The following THEMIS variants were observed in gnomAD, a reference collection of about 807,000 sequenced individuals.
THEMIS encodes thymocyte selection associated, also known as protein THEMIS.
A neutral mutation model predicts 52.6 loss-of-function variants in THEMIS; 37 were observed. That is an observed-to-expected ratio of 0.70 (90% CI 0.54 to 0.93). The LOEUF is 0.93. Among genes scored for constraint, THEMIS ranks in the 40% least tolerant of loss-of-function variants. The pLI, the probability that THEMIS is intolerant of heterozygous loss-of-function variation, is 0.00. For missense variants in THEMIS, 808 were observed against 763.1 expected, an observed-to-expected ratio of 1.06 and a Z score of -0.69; for synonymous variants, 292 against 272.7, an observed-to-expected ratio of 1.07 and a Z score of -0.70.
chr6:127,730,318 G>GAAGAAAAGAAAAGAAAAGAA (rs71272309), intron 4 of THEMIS, among the ~76,000 whole-genome samples: 1 of 116,958 alleles, frequency 8.6e-6, no homozygotes, highest in Non-Finnish European at 1.7e-5. Context: ...AAAGAAAAGA[G>GAAGAAAAGAAAAGAAAAGAA]AAAAAAAGAA....
At chr6:127,864,491 G>A (rs1399785135) in intron 1 of THEMIS, among the ~76,000 whole-genome samples, 3 of 152,024 alleles carry the variant, frequency 2.0e-5, no homozygotes, top group South Asian at 4.1e-4. Context: ...AGAGTGCCAG[G>A]GAAGCAGAGA....
chr6:127,914,046 A>C (rs1012403841), intron 1 of THEMIS, among the ~76,000 whole-genome samples: 1 of 152,330 alleles, frequency 6.6e-6, no homozygotes, highest in Non-Finnish European at 1.5e-5. Context: ...ATGGGGCCCA[A>C]GTTTAAATAC....
chr6:127,766,205 C>T (rs1776193914), intron 4 of THEMIS, among the ~76,000 whole-genome samples: 1 of 152,094 alleles, frequency 6.6e-6, no homozygotes, highest in Non-Finnish European at 1.5e-5. Flanking sequence ...ATATTGCAGT[C>T]TTACCTCCCT....
At chr6:127,854,239 A>G (rs555690411) in intron 2 of THEMIS, among the ~76,000 whole-genome samples, 1 of 151,932 alleles carries the variant, frequency 6.6e-6, no homozygotes, top group East Asian at 1.9e-4. Context: ...TTATTGAGCC[A>G]TAGCCATGCT....
intron 1 of THEMIS, among the ~76,000 whole-genome samples, chr6:127,860,902 ACAAG>A (rs1779777582): frequency 6.6e-6 from 1 of 152,182 alleles, no homozygotes. Context: ...AAGAGGGCTT[ACAAG>A]TGGTTGTCAT....
chr6:127,884,447 C>A (rs917667351), intron 1 of THEMIS, among the ~76,000 whole-genome samples: 1 of 152,018 alleles, frequency 6.6e-6, no homozygotes, highest in Non-Finnish European at 1.5e-5. Flanking sequence ...GAATTAGGCA[C>A]CCCCTCTTTT....
intron 4 of THEMIS, among the ~76,000 whole-genome samples, chr6:127,755,666 T>C (rs931819535): frequency 6.6e-6 from 1 of 152,154 alleles, no homozygotes; most frequent in African/African-American, 2.4e-5. Context: ...AGAGGATCCA[T>C]GTAATCAAAG....
intron 4 of THEMIS, among the ~76,000 whole-genome samples, chr6:127,760,771 T>A (rs536680140): frequency 2.0e-5 from 3 of 152,176 alleles, no homozygotes; most frequent in East Asian, 1.9e-4. Context: ...AGTGAGACCC[T>A]GTCTCTTAAA....
chr6:127,819,886 GT>G (rs1778276142), intron 3 of THEMIS, among the ~76,000 whole-genome samples: 1 of 152,036 alleles, frequency 6.6e-6, no homozygotes, highest in African/African-American at 2.4e-5. Context: ...AGAATAAAAC[GT>G]TTTATTTTTC....
chr6:127,830,224 G>A (rs1265684779), intron 2 of THEMIS, among the ~76,000 whole-genome samples: 1 of 152,116 alleles, frequency 6.6e-6, no homozygotes, highest in Non-Finnish European at 1.5e-5. Flanking sequence ...GATGACACTG[G>A]CTCTGTTCCA....
chr6:127,787,903 A>AGATAGAT (rs1777027943), intron 4 of THEMIS, among the ~76,000 whole-genome samples: 1 of 149,486 alleles, frequency 6.7e-6, no homozygotes, highest in African/African-American at 2.4e-5. Flanking sequence ...ATAGATAGAT[A>AGATAGAT]GATAGATAGA....
intron 1 of THEMIS, among the ~76,000 whole-genome samples, chr6:127,869,478 C>T (rs1005385096): frequency 6.6e-6 from 1 of 152,142 alleles, no homozygotes; most frequent in African/African-American, 2.4e-5. Flanking sequence ...CAGGAGAAGA[C>T]CAAAATTAAA....
At chr6:127,705,612 G>A (rs917594915), downstream of THEMIS, among the ~76,000 whole-genome samples, 7 of 152,094 alleles carry the variant, frequency 4.6e-5, no homozygotes, top group African/African-American at 1.4e-4. Context: ...TATACTCCAG[G>A]TATTAGTTTA....
chr6:127,857,843 CAT>C (rs1261337394), intron 1 of THEMIS, among the ~76,000 whole-genome samples: 1 of 151,922 alleles, frequency 6.6e-6, no homozygotes, highest in African/African-American at 2.4e-5. Flanking sequence ...GCAAAACTAA[CAT>C]AGAGGGGAAA....
At chr6:127,727,698 T>G (rs941956873) in intron 4 of THEMIS, among the ~76,000 whole-genome samples, 1 of 152,192 alleles carries the variant, frequency 6.6e-6, no homozygotes, top group African/African-American at 2.4e-5. Context: ...TCTCACTATT[T>G]CTTCAAGCCT....
chr6:127,868,429 T>G, intron 1 of THEMIS: 1 of 985,346 alleles, frequency 1.0e-6, no homozygotes, highest in Admixed American at 6.2e-5. Flanking sequence ...ATGGAGAAGA[T>G]GGACTTAGAT....
intron 1 of THEMIS, among the ~76,000 whole-genome samples, chr6:127,899,924 T>A (rs2875995): frequency 0.068 from 9,786 of 144,520 alleles, 910 homozygotes; most frequent in East Asian, 0.37. Flanking sequence ...TATATATATA[T>A]AATATATATA....
At chr6:127,831,776 T>C (rs987236128) in intron 2 of THEMIS, among the ~76,000 whole-genome samples, 1 of 152,148 alleles carries the variant, frequency 6.6e-6, no homozygotes. Flanking sequence ...TAGAATAGTG[T>C]TCACTCACTG....
chr6:127,715,136 TGAA>T (rs1774112860), intron 5 of THEMIS, among the ~76,000 whole-genome samples: 1 of 151,926 alleles, frequency 6.6e-6, no homozygotes, highest in Admixed American at 6.6e-5. Flanking sequence ...TGCTATAAAA[TGAA>T]GAGCAATCCT....
Sources: gnomAD v4.1 joint callset for allele counts (sites outside exome capture counted in the v4.1 genomes callset) on GRCh38, gnomAD v4.1.1 for gene constraint, MANE v1.5 for transcripts, NCBI Gene and HGNC (gene_info 2026-07-23, HGNC 2026-07-21) for gene names.